Variants in FEZ1 observed in about 807,000 individuals in gnomAD.
FEZ1 encodes fasciculation and elongation protein zeta 1, also known as fasciculation and elongation protein zeta-1.
FEZ1 carries 20 observed loss-of-function variants against 49.3 expected under a neutral mutation model. The observed-to-expected ratio is 0.41, with a 90% CI of 0.29 to 0.59. FEZ1 has a LOEUF of 0.59. FEZ1 is among the 20% of genes least tolerant of loss of function. The pLI is 0.36. For missense variants in FEZ1, 413 were observed against 476.0 expected (o/e 0.87, Z 1.23); for synonymous variants, 170 against 180.9 (o/e 0.94, Z 0.48).
chr11:125,467,478 AAG>A (rs1368210987), intron 3 of FEZ1, among the ~76,000 whole-genome samples: 4 of 152,248 alleles, frequency 2.6e-5, no homozygotes. Context: ...ACAATTGAAA[AAG>A]AGAGGACTGA....
chr11:125,454,166 G>A lies in FEZ1; in HGVS notation c.984C>T (p.Ile328=). 1 of 1,613,662 alleles carries A rather than the reference G, an allele frequency of 6.2e-7. No homozygotes were observed. Among genetic ancestry groups the A allele is most frequent in the Non-Finnish European group, 8.5e-7 (1 of 1,179,826 alleles). The change falls in exon 7 of 10, where the codon ATC becomes ATT. Residue 328 remains isoleucine, a synonymous_variant. Coordinates refer to ENST00000278919, the MANE Select transcript of FEZ1 (RefSeq NM_005103.5). ...EGISNILQSG[I]RQTFGSSGTD... ...TTCCTGAGGAGCCAAAGGTCTGGCG[G>A]ATGCCACTCTGCAGAATGTTGGAGA...
chr11:125,444,092 A>G lies in FEZ1; in HGVS notation c.*2003T>C, dbSNP rs1354780116. ...GCATGTTCAGCCTTAGCACCAGTGA[A>G]CTGCCGAACTGAATCCATGCCCTTT... On this transcript the variant is annotated 3_prime_UTR_variant, in exon 10 of 10. Transcript: ENST00000278919. Among the ~76,000 whole-genome samples, 2 of 138,186 alleles carry G rather than the reference A, an allele frequency of 1.4e-5. No homozygotes were observed. Among genetic ancestry groups the G allele is most frequent in the Admixed American group, 1.5e-4 (2 of 13,732 alleles). The allele number at this position is 138,186 out of a possible 152,430, so 90.7% of individuals were successfully genotyped here.
intron 3 of FEZ1, among the ~76,000 whole-genome samples, chr11:125,476,523 T>C (rs1957235503): frequency 6.6e-6 from 1 of 152,166 alleles, no homozygotes; most frequent in Non-Finnish European, 1.5e-5. Context: ...AGCTTCTATG[T>C]TGAAAGGACT....
chr11:125,449,029 A>G (rs1467595821), intron 8 of FEZ1, among the ~76,000 whole-genome samples: 1 of 152,046 alleles, frequency 6.6e-6, no homozygotes, highest in African/African-American at 2.4e-5. Context: ...TAGTGGACCT[A>G]CTGGTGACTT....
chr11:125,473,590 G>A (rs11512485), intron 3 of FEZ1, among the ~76,000 whole-genome samples: 30,350 of 152,042 alleles, frequency 0.2, 3,637 homozygotes, highest in East Asian at 0.3. Context: ...AGGCCAAGAC[G>A]GGTGGATCAC....
intron 2 of FEZ1, chr11:125,488,842 C>A: frequency 1.0e-6 from 1 of 985,382 alleles, no homozygotes; most frequent in Non-Finnish European, 1.2e-6. Context: ...TCTCAGATCC[C>A]TTTTCTTGAC....
chr11:125,493,382 GAAA>G (rs1957406521), intron 1 of FEZ1, among the ~76,000 whole-genome samples: 2 of 44,338 alleles, frequency 4.5e-5, no homozygotes, highest in Admixed American at 2.8e-4. Flanking sequence ...AAGAAAGAAA[GAAA>G]GAAAGAAAGA....
At chr11:125,476,085 T>G (rs371995255) in intron 3 of FEZ1, among the ~76,000 whole-genome samples, 16 of 152,300 alleles carry the variant, frequency 1.1e-4, no homozygotes, top group African/African-American at 3.6e-4. Flanking sequence ...TGCAAAATTC[T>G]AGAAAATGAA....
intron 3 of FEZ1, among the ~76,000 whole-genome samples, chr11:125,470,183 C>T (rs186390395): frequency 1.3e-5 from 2 of 152,282 alleles, no homozygotes; most frequent in East Asian, 3.9e-4. Context: ...AGAAGGATAA[C>T]AGAACACCTT....
intron 3 of FEZ1, among the ~76,000 whole-genome samples, chr11:125,466,598 T>C (rs1957132671): frequency 6.6e-6 from 1 of 152,192 alleles, no homozygotes; most frequent in Non-Finnish European, 1.5e-5. Flanking sequence ...AAGATTTGAA[T>C]CCAGAAAGGG....
At chr11:125,447,819 C>T (rs894319703) in intron 9 of FEZ1, among the ~76,000 whole-genome samples, 13 of 129,574 alleles carry the variant, frequency 1.0e-4, no homozygotes, top group Non-Finnish European at 2.0e-4. Context: ...GAGATTCCAT[C>T]TCAAAAAAAA....
At chr11:125,475,392 A>T (rs953097263) in intron 3 of FEZ1, among the ~76,000 whole-genome samples, 7 of 152,158 alleles carry the variant, frequency 4.6e-5, no homozygotes, top group African/African-American at 1.7e-4. Context: ...TAAGGTATCA[A>T]TTTTGTTACT....
At chr11:125,468,674 G>C (rs770869075) in intron 3 of FEZ1, among the ~76,000 whole-genome samples, 3 of 152,118 alleles carry the variant, frequency 2.0e-5, no homozygotes, top group Non-Finnish European at 4.4e-5. Context: ...AACAGCAAGA[G>C]AAATGCCAGA....
At chr11:125,491,531 C>A (rs570602067) in intron 1 of FEZ1, among the ~76,000 whole-genome samples, 4 of 152,130 alleles carry the variant, frequency 2.6e-5, no homozygotes, top group South Asian at 4.1e-4. Flanking sequence ...CTTCTCTACA[C>A]GCTCAACAGA....
intron 2 of FEZ1, among the ~76,000 whole-genome samples, chr11:125,486,176 G>A (rs1047209204): frequency 6.6e-6 from 1 of 152,112 alleles, no homozygotes; most frequent in African/African-American, 2.4e-5. Flanking sequence ...TTTATTGTGT[G>A]CACTTTATTT....
intron 3 of FEZ1, among the ~76,000 whole-genome samples, chr11:125,475,449 A>C (rs1226405800): frequency 2.0e-5 from 3 of 152,208 alleles, no homozygotes; most frequent in Non-Finnish European, 2.9e-5. Context: ...AACAAGTGTT[A>C]GTGAGAATAT....
chr11:125,448,126 G>A (rs1267304529), intron 9 of FEZ1, among the ~76,000 whole-genome samples: 4 of 152,160 alleles, frequency 2.6e-5, no homozygotes, highest in Non-Finnish European at 5.9e-5. Flanking sequence ...AGGTTAAAAA[G>A]TTATGAAAGG....
At chr11:125,494,733 C>A (rs1957440339) in intron 1 of FEZ1, among the ~76,000 whole-genome samples, 1 of 152,132 alleles carries the variant, frequency 6.6e-6, no homozygotes, top group Non-Finnish European at 1.5e-5. Flanking sequence ...AACAGAGACC[C>A]AGTAGGAAAC....
rs1957358054 is a variant in FEZ1 at position 125,489,307 on chromosome 11, A to G, written c.311+160T>C. 1.4e-6 allele frequency: 2 copies of G among 1,393,114 alleles called. No homozygotes were observed. Among genetic ancestry groups the G allele is most frequent in the South Asian group, 1.9e-5 (1 of 53,150 alleles). 86.3% of individuals were successfully genotyped at this position (1,393,114 alleles called of 1,614,324 possible). A position where few individuals can be genotyped will look rare whatever the true frequency, so the allele number is the denominator to read the frequency against. On this transcript the variant is annotated intron_variant, in intron 2 of 9. Coordinates refer to ENST00000278919, the MANE Select transcript of FEZ1 (RefSeq NM_005103.5). This position sits in a 1 kb window ranked among gnomAD's most constrained non-coding sequence, Gnocchi z 4.2. ...CTCAGGGGACTGTAAAGGGACATAT[A>G]TAGAGCTATGACAGCAAGTACCAGG...
Sources: gnomAD v4.1 joint callset for allele counts (sites outside exome capture counted in the v4.1 genomes callset) on GRCh38, gnomAD v4.1.1 for gene constraint, Gnocchi (gnomAD v3.1) non-coding constraint, MANE v1.5 for transcripts, NCBI Gene and HGNC (gene_info 2026-07-23, HGNC 2026-07-21) for gene names.